The following DMD variants were observed in gnomAD, a reference collection of about 807,000 sequenced individuals.
DMD encodes mutant dystrophin.
A neutral mutation model predicts 330.1 loss-of-function variants in DMD; 63 were observed. That is an observed-to-expected ratio of 0.19 (90% CI 0.16 to 0.24). DMD has a LOEUF of 0.24. Among genes scored for constraint, DMD ranks in the 10% least tolerant of loss-of-function variants. DMD has a pLI of 1.00. For synonymous variants in DMD, 1,223 were observed against 959.8 expected (o/e 1.27, Z -5.07); for missense variants, 3,344 against 2,684.1 (o/e 1.25, Z -5.43).
intron 50 of DMD, among the ~76,000 whole-genome samples, chrX:31,817,061 C>T (rs2092649705): frequency 9.0e-6 from 1 of 111,194 alleles, no homozygotes; most frequent in South Asian, 3.8e-4. Flanking sequence ...GCTGTGTGGC[C>T]TTAATCTAGC....
rs757835746 is a variant in DMD, at chrX:31,295,517, G to A, written c.9224+28081C>T. Among the ~76,000 whole-genome samples the A allele has an allele frequency of 2.4e-4, 26 of 109,569 alleles. No individual in the cohort carries two copies. In the South Asian group the frequency reaches 5.5e-3, roughly 23 times the overall value. On this transcript the variant is annotated intron_variant, in intron 62 of 78. Transcript: ENST00000357033. ...CAACCTCCACCTCCCAAGTCCAAGC[G>A]ATTCTCCTGCCTCAGCCTCCCAAGT...
intron 11 of DMD, among the ~76,000 whole-genome samples, chrX:32,617,345 A>C (rs1323389710): frequency 2.7e-5 from 3 of 111,692 alleles, no homozygotes; most frequent in Non-Finnish European, 5.7e-5. Flanking sequence ...AGTAACCAAG[A>C]CAGCATTGTA....
chrX:32,923,138 T>C (rs1274694362), intron 2 of DMD, among the ~76,000 whole-genome samples: 1 of 112,125 alleles, frequency 8.9e-6, no homozygotes, highest in Non-Finnish European at 1.9e-5. Flanking sequence ...TGTACTTTGA[T>C]GGTTACATAG....
intron 74 of DMD, 65 bp downstream of exon 74, chrX:31,169,378 A>C: frequency 1.1e-6 from 1 of 870,411 alleles, no homozygotes; most frequent in Non-Finnish European, 1.7e-6. Flanking sequence ...GATTCCTGGC[A>C]CTTTTCTATG....
intron 60 of DMD, among the ~76,000 whole-genome samples, chrX:31,370,510 T>C (rs1238433972): frequency 8.9e-6 from 1 of 112,069 alleles, no homozygotes; most frequent in Middle Eastern, 4.2e-3. Flanking sequence ...CATATCAGAA[T>C]GGCTAAAAAT....
chrX:31,190,097 G>A (rs770253265), intron 67 of DMD, among the ~76,000 whole-genome samples: 3 of 111,976 alleles, frequency 2.7e-5, no homozygotes, highest in East Asian at 2.8e-4. Flanking sequence ...GTTCTCAACC[G>A]GAAATGATGC....
intron 9 of DMD, among the ~76,000 whole-genome samples, chrX:32,662,401 C>T (rs753803081): frequency 5.4e-5 from 6 of 111,623 alleles, no homozygotes; most frequent in South Asian, 3.7e-4. Flanking sequence ...AAAGAGAAAT[C>T]GTCACAAGTA....
At chrX:33,241,485 T>G (rs2052585903) in intron 1 of DMD, among the ~76,000 whole-genome samples, 1 of 111,734 alleles carries the variant, frequency 8.9e-6, no homozygotes, top group African/African-American at 3.3e-5. Context: ...TCAAGTAGTG[T>G]GATGACACCA....
intron 55 of DMD, among the ~76,000 whole-genome samples, chrX:31,558,454 AT>A (rs2074985707): frequency 9.0e-6 from 1 of 110,973 alleles, no homozygotes; most frequent in South Asian, 3.9e-4. Context: ...GGGGCCTGGG[AT>A]TTCAAAATTC....
intron 12 of DMD, among the ~76,000 whole-genome samples, chrX:32,606,317 A>G (rs1204681069): frequency 4.5e-5 from 5 of 110,093 alleles, no homozygotes; most frequent in Non-Finnish European, 1.9e-5. Flanking sequence ...TTCACTTAAC[A>G]TAACGATCTC....
At chrX:33,020,326 A>T in intron 1 of DMD, 126 bp from the exon 2 acceptor site, 1 of 483,595 alleles carries the variant, frequency 2.1e-6, no homozygotes. Flanking sequence ...ACATTCATTG[A>T]TAAATGGAAT....
intron 60 of DMD, among the ~76,000 whole-genome samples, chrX:31,430,569 C>T (rs1250800275): frequency 9.0e-6 from 1 of 111,065 alleles, no homozygotes. Context: ...GAAAATATGA[C>T]TCTGAAAGAA....
rs750647125 is a variant in DMD, at chrX:31,340,314, G to C, written c.9163+8242C>G. On this transcript the variant is annotated intron_variant, in intron 61 of 78. Transcript: ENST00000357033. The stretch of plus-strand genomic sequence containing the variant: ...TTAAATTCAGAATAAATAGTAAAAA[G>C]GAAATTTGTCTTTCAGAGTCCCATT... Among the ~76,000 whole-genome samples the C allele has an allele frequency of 7.1e-5, 8 of 112,466 alleles. 1 individual carries two copies. The East Asian group carries it at 1.7e-3, about 23-fold the overall frequency.
intron 44 of DMD, among the ~76,000 whole-genome samples, chrX:31,979,026 C>T (rs1028248685): frequency 2.7e-5 from 3 of 111,937 alleles, no homozygotes; most frequent in African/African-American, 9.8e-5. Flanking sequence ...ACTGTATCTA[C>T]ATAATGGTTT....
At chrX:32,258,001 A>G (rs2097306254) in intron 43 of DMD, among the ~76,000 whole-genome samples, 1 of 111,248 alleles carries the variant, frequency 9.0e-6, no homozygotes, top group Admixed American at 9.5e-5. Context: ...AAAGTGGGCT[A>G]AGGATATGAA....
chrX:31,818,426 C>T (rs2092683443), intron 50 of DMD, among the ~76,000 whole-genome samples: 2 of 111,414 alleles, frequency 1.8e-5, no homozygotes, highest in African/African-American at 3.3e-5. Flanking sequence ...AGGTAAGTTA[C>T]ACGTTAAATG....
chrX:31,602,777 C>T (rs180701821), intron 55 of DMD, among the ~76,000 whole-genome samples: 11 of 111,636 alleles, frequency 9.9e-5, no homozygotes, highest in Non-Finnish European at 2.1e-4. Context: ...ATTCCGTCAT[C>T]GTCAGAGAGA....
intron 60 of DMD, among the ~76,000 whole-genome samples, chrX:31,411,451 G>T (rs1475485233): frequency 8.9e-6 from 1 of 111,857 alleles, no homozygotes; most frequent in East Asian, 2.8e-4. Flanking sequence ...TTTAAGAAAA[G>T]ACATGCGATT....
chrX:31,173,325 C>T (rs971516517), intron 72 of DMD, among the ~76,000 whole-genome samples: 2 of 111,429 alleles, frequency 1.8e-5, no homozygotes, highest in Non-Finnish European at 3.8e-5. Context: ...GTTTAAAAGC[C>T]AGGGTTAGGG....
Sources: allele counts gnomAD v4.1 joint callset (sites outside exome capture counted in the v4.1 genomes callset), GRCh38; gene constraint gnomAD v4.1.1; transcripts MANE v1.5; gene names NCBI Gene and HGNC (gene_info 2026-07-23, HGNC 2026-07-21).